Variants in DNAJC6 observed in about 807,000 individuals in gnomAD.
The protein encoded by DNAJC6 is auxilin.
Under a neutral mutation model 110.0 loss-of-function variants are expected in DNAJC6, and 34 were observed. The observed-to-expected ratio is 0.31, with a 90% CI of 0.24 to 0.41. The LOEUF is 0.41. Ranked by LOEUF, DNAJC6 falls within the 10% of genes least tolerant of loss-of-function variation. DNAJC6 has a pLI of 1.00. For synonymous variants in DNAJC6, 406 were observed against 437.2 expected, an observed-to-expected ratio of 0.93 and a Z score of 0.89; for missense variants, 1,031 against 1,207.8, an observed-to-expected ratio of 0.85 and a Z score of 2.17.
chr1:65,287,558 T>C (rs1233669343), intron 1 of DNAJC6, among the ~76,000 whole-genome samples: 1 of 152,166 alleles, frequency 6.6e-6, no homozygotes, highest in Admixed American at 6.6e-5. Flanking sequence ...TGAAGAACAA[T>C]CACTCCCCCA....
At chr1:65,350,431 C>G (rs919331361) in intron 1 of DNAJC6, among the ~76,000 whole-genome samples, 1 of 152,146 alleles carries the variant, frequency 6.6e-6, no homozygotes, top group Admixed American at 6.6e-5. Context: ...AAGTTCTTGT[C>G]TACTAATTCT....
chr1:65,357,862 T>A (rs1276722185), intron 1 of DNAJC6, among the ~76,000 whole-genome samples: 2 of 152,148 alleles, frequency 1.3e-5, no homozygotes, highest in Non-Finnish European at 2.9e-5. Context: ...CTTTATTTTA[T>A]GTAACATATT....
intron 1 of DNAJC6, among the ~76,000 whole-genome samples, chr1:65,336,577 T>C (rs1179066434): frequency 6.6e-6 from 1 of 152,218 alleles, no homozygotes; most frequent in Non-Finnish European, 1.5e-5. Context: ...CAATTTCATT[T>C]TTTCTAAAGC....
At chr1:65,386,420 C>T (rs907602690) in intron 7 of DNAJC6, among the ~76,000 whole-genome samples, 24 of 152,228 alleles carry the variant, frequency 1.6e-4, no homozygotes, top group African/African-American at 5.5e-4. Context: ...CCAAGACTTT[C>T]ACAGAGCAAG....
At chr1:65,324,793 T>C (rs1645227543) in intron 1 of DNAJC6, among the ~76,000 whole-genome samples, 1 of 152,144 alleles carries the variant, frequency 6.6e-6, no homozygotes, top group South Asian at 2.1e-4. Context: ...GACACAATAG[T>C]GGGGGGAACT....
chr1:65,309,503 G>A, upstream of DNAJC6: 1 of 806,006 alleles, frequency 1.2e-6, no homozygotes, highest in Non-Finnish European at 1.5e-6. Flanking sequence ...GCCCCCGCCC[G>A]GCCGCGTCTC....
intron 1 of DNAJC6, among the ~76,000 whole-genome samples, chr1:65,320,343 T>C (rs1185053117): frequency 6.6e-6 from 1 of 152,268 alleles, no homozygotes; most frequent in Non-Finnish European, 1.5e-5. Flanking sequence ...TCTTCTTCCC[T>C]GTTGCTGAAG....
intron 1 of DNAJC6, among the ~76,000 whole-genome samples, chr1:65,313,334 G>A (rs937394873): frequency 2.0e-5 from 3 of 151,872 alleles, no homozygotes; most frequent in East Asian, 1.9e-4. Context: ...CAAAGTGCTC[G>A]GATTACAGAC....
chr1:65,273,423 C>T (rs1339291021), intron 1 of DNAJC6, among the ~76,000 whole-genome samples: 1 of 151,878 alleles, frequency 6.6e-6, no homozygotes, highest in Non-Finnish European at 1.5e-5. Flanking sequence ...GTGGTGAAAC[C>T]CCGTCTCTAC....
intron 1 of DNAJC6, among the ~76,000 whole-genome samples, chr1:65,341,743 A>C (rs1297898667): frequency 6.7e-6 from 1 of 149,198 alleles, no homozygotes; most frequent in Non-Finnish European, 1.5e-5. Flanking sequence ...GCTTTTGAAC[A>C]TGAGAGTCAA....
At chr1:65,288,684 A>G (rs1391867475) in intron 1 of DNAJC6, among the ~76,000 whole-genome samples, 1 of 152,198 alleles carries the variant, frequency 6.6e-6, no homozygotes, top group Non-Finnish European at 1.5e-5. Flanking sequence ...CAACCCTCCA[A>G]CCTCTACTAA....
In DNAJC6 at chr1:65,355,686, G is replaced by A. The variant is rs77782080; in HGVS notation, c.194-8949G>A. 6.0e-3 allele frequency among the ~76,000 whole-genome samples: 920 copies of A among 152,248 alleles called. 9 individuals carry two copies. The highest frequency in any genetic ancestry group is 0.021 in the African/African-American group (860 of 41,554). ...GTCCTCCTACCAGGCACCAGGTCAC[G>A]TCAAGATGAGAAGCAGAAACTTCAG... On this transcript the variant is annotated intron_variant, in intron 1 of 18. Transcript: ENST00000371069.
chr1:65,310,864 G>C (rs2375701), intron 1 of DNAJC6, among the ~76,000 whole-genome samples: 111,654 of 152,032 alleles, frequency 0.73, 41,018 homozygotes, highest in East Asian at 0.83. Flanking sequence ...CTCAGTGGTT[G>C]GTTCTACACT....
At position 65,376,026 on chromosome 1, in the gene DNAJC6, T is replaced by C. The variant is rs1645763540; in HGVS notation, c.544-3376T>C. 3.3e-5 allele frequency among the ~76,000 whole-genome samples: 5 copies of C among 152,366 alleles called. No homozygotes were observed. In the South Asian group the frequency reaches 8.3e-4, roughly 25 times the overall value. On this transcript the variant is annotated intron_variant, in intron 4 of 18. Coordinates refer to ENST00000371069, the MANE Select transcript of DNAJC6 (RefSeq NM_001256864.2). The stretch of plus-strand genomic sequence containing the variant: ...GTGAATCCGTCAGGACCTGGGCCTT[T>C]CTTTGATAGGAGAATTTTTATACAG...
At chr1:65,291,447 A>G (rs1221951355) in intron 1 of DNAJC6, among the ~76,000 whole-genome samples, 1 of 152,266 alleles carries the variant, frequency 6.6e-6, no homozygotes. Flanking sequence ...TTAGTAATGA[A>G]TCTATAGCAT....
chr1:65,364,575 T>C, intron 1 of DNAJC6, 60 bp from the exon 2 acceptor site: 1 of 1,550,722 alleles, frequency 6.4e-7, no homozygotes, highest in Non-Finnish European at 8.7e-7. Context: ...AGGGATTGGT[T>C]TTCCGTGGAT....
chr1:65,275,937 C>T (rs1653655356), intron 1 of DNAJC6, among the ~76,000 whole-genome samples: 1 of 147,152 alleles, frequency 6.8e-6, no homozygotes, highest in Non-Finnish European at 1.5e-5. Flanking sequence ...CCCTCTGTTG[C>T]CCAGGCTGCA....
At chr1:65,301,975 C>G (rs1419606579) in intron 1 of DNAJC6, among the ~76,000 whole-genome samples, 1 of 144,842 alleles carries the variant, frequency 6.9e-6, no homozygotes, top group East Asian at 2.0e-4. Context: ...GGTAGAACAT[C>G]AGAGAGAGAG....
intron 1 of DNAJC6, among the ~76,000 whole-genome samples, chr1:65,280,394 T>TA (rs1653808080): frequency 6.6e-6 from 1 of 152,154 alleles, no homozygotes; most frequent in Non-Finnish European, 1.5e-5. Flanking sequence ...AATACTGCCA[T>TA]GTTATATTTT....
Sources: gnomAD v4.1 joint callset for allele counts (sites outside exome capture counted in the v4.1 genomes callset) on GRCh38, gnomAD v4.1.1 for gene constraint, MANE v1.5 for transcripts, NCBI Gene and HGNC (gene_info 2026-07-23, HGNC 2026-07-21) for gene names.